Variants in MAD2L2 observed in about 807,000 individuals in gnomAD.
MAD2L2 encodes the protein mitotic spindle assembly checkpoint protein MAD2B.
MAD2L2 carries 17 observed loss-of-function variants against 30.5 expected under a neutral mutation model. That is an observed-to-expected ratio of 0.56 (90% CI 0.38 to 0.84). The LOEUF (loss-of-function observed/expected upper bound fraction) is 0.84, where lower values mean the gene tolerates loss of function less well. Ranked by LOEUF, MAD2L2 falls within the 40% of genes least tolerant of loss-of-function variation. MAD2L2 has a pLI of 0.00. For missense variants in MAD2L2, 213 were observed against 277.4 expected (o/e 0.77, Z 1.65); for synonymous variants, 101 against 113.9 (o/e 0.89, Z 0.72).
intron 1 of MAD2L2, among the ~76,000 whole-genome samples, chr1:11,686,778 G>T (rs1337709755): frequency 1.1e-5 from 1 of 92,904 alleles, no homozygotes; most frequent in Non-Finnish European, 2.0e-5. Flanking sequence ...CACAAGGTAA[G>T]AACTTTTGAT....
In MAD2L2 at chr1:11,690,782, T is replaced by G. The variant is rs1181931155; in HGVS notation, c.-692+631A>C. Among the ~76,000 whole-genome samples the G allele has an allele frequency of 6.6e-6, 1 of 152,044 alleles. No homozygotes were observed. Among genetic ancestry groups the G allele is most frequent in the East Asian group, 1.9e-4 (1 of 5,158 alleles). Reference sequence around the variant, plus strand: ...GAGGCACGGGACCCATAACCCAGCATTCTCAGACTCCCAGGGTCGTCAGGA... The same window carrying G: ...GAGGCACGGGACCCATAACCCAGCAGTCTCAGACTCCCAGGGTCGTCAGGA... On this transcript the variant is annotated intron_variant, in intron 1 of 10. Transcript: ENST00000235310. This position sits in a 1 kb window ranked among gnomAD's most constrained non-coding sequence, Gnocchi z 4.2.
intron 3 of MAD2L2, 54 bp from the exon 4 acceptor site, chr1:11,677,668 C>T: frequency 1.4e-6 from 2 of 1,458,902 alleles, no homozygotes; most frequent in Non-Finnish European, 1.9e-6. Context: ...GGGGAAACCA[C>T]CCAACACAAC....
At chr1:11,679,249 G>C (rs28924098) in intron 3 of MAD2L2, among the ~76,000 whole-genome samples, 7 of 152,348 alleles carry the variant, frequency 4.6e-5, no homozygotes, top group Non-Finnish European at 1.0e-4. Context: ...CTGGAAGTGA[G>C]AAAACAATGG....
At chr1:11,678,422 A>C (rs749457867) in intron 3 of MAD2L2, among the ~76,000 whole-genome samples, 10 of 152,230 alleles carry the variant, frequency 6.6e-5, no homozygotes, top group Non-Finnish European at 1.3e-4. Context: ...AAGGAAAAGA[A>C]AGATAAGAAC....
rs918013223 is a variant in MAD2L2 at position 11,690,680 on chromosome 1, A to T, written c.-692+733T>A. 6.6e-6 allele frequency among the ~76,000 whole-genome samples: 1 copy of T among 152,162 alleles called. No individual in the cohort carries two copies. Among genetic ancestry groups the T allele is most frequent in the African/African-American group, 2.4e-5 (1 of 41,450 alleles). ...GCGCCAGGTGGGAGCGCTGCTTCCCACATATGGGAGTCCGGCCCCATCGCT... is the reference window on the plus strand; with the variant it reads ...GCGCCAGGTGGGAGCGCTGCTTCCCTCATATGGGAGTCCGGCCCCATCGCT... On this transcript the variant is annotated intron_variant, in intron 1 of 10. Transcript: ENST00000235310. This position sits in a 1 kb window ranked among gnomAD's most constrained non-coding sequence, Gnocchi z 4.2.
rs1640868288 is a variant in MAD2L2 at position 11,681,056 on chromosome 1, C to A, written c.-30G>T. ...CCCAGTACCGGCTCTGCGCTCGGTT[C>A]CCGCCCGAGATCGGGCCCGGCCCCG... On this transcript the variant is annotated 5_prime_UTR_variant, in exon 1 of 9. Transcript: ENST00000376692. 6.5e-6 allele frequency: 1 copy of A among 153,290 alleles called. No homozygotes were observed. 9.5% of individuals were successfully genotyped at this position (153,290 alleles called of 1,614,324 possible).
chr1:11,677,987 G>A (rs1278854958), intron 3 of MAD2L2, among the ~76,000 whole-genome samples: 1 of 151,008 alleles, frequency 6.6e-6, no homozygotes, highest in Non-Finnish European at 1.5e-5. Flanking sequence ...AACCCGGGAG[G>A]CGGAGGTTGC....
Position 11,676,048 on chromosome 1 carries a change from G to A in MAD2L2, c.425C>T (p.Pro142Leu), listed in dbSNP as rs773139319. The change falls in exon 6 of 9, where the codon CCA (proline) becomes CTA (leucine). Residue 142 changes from proline to leucine, a missense_variant and splice_region_variant. Physicochemically the swap from Pro to Leu is moderately conservative, Grantham distance 98. Transcript: ENST00000376692. Reference protein sequence around the residue: ...VCDAVLDHNPPGCTFTVLVHT... With the variant: ...VCDAVLDHNPLGCTFTVLVHT... ...GAGAGGGTGGGGAGTGGACACACCT[G>A]GGGGGTTGTGGTCCAGGACGGCATC... The A allele has an allele frequency of 5.0e-6, 8 of 1,611,490 alleles. No homozygotes were observed. The highest frequency in any genetic ancestry group is 6.8e-6 in the Non-Finnish European group (8 of 1,178,088).
upstream of MAD2L2, among the ~76,000 whole-genome samples, chr1:11,684,589 C>T (rs995265665): frequency 2.0e-5 from 3 of 152,052 alleles, no homozygotes; most frequent in African/African-American, 7.2e-5. Flanking sequence ...AAGACCTGCT[C>T]GGGCAGAGGA....
chr1:11,677,269 A>AG, intron 4 of MAD2L2: 1 of 596,940 alleles, frequency 1.7e-6, no homozygotes, highest in Non-Finnish European at 3.0e-6. Flanking sequence ...GACGGATGTG[A>AG]GAAGAACCCC....
upstream of MAD2L2, among the ~76,000 whole-genome samples, chr1:11,684,627 C>T (rs1640928668): frequency 6.6e-6 from 1 of 152,112 alleles, no homozygotes; most frequent in African/African-American, 2.4e-5. Flanking sequence ...GGAACAAACC[C>T]ACAGTGAGTG....
At chr1:11,677,661 GA>G in intron 3 of MAD2L2, 47 bp from the exon 4 acceptor site, 1 of 1,520,412 alleles carries the variant, frequency 6.6e-7, no homozygotes, top group Non-Finnish European at 9.1e-7. Flanking sequence ...CACAGATGGG[GA>G]AACCACCCAA....
intron 1 of MAD2L2, 133 bp from the exon 2 acceptor site, chr1:11,680,746 G>A: frequency 7.1e-7 from 1 of 1,404,904 alleles, no homozygotes; most frequent in African/African-American, 1.5e-5. Context: ...ACAGGCTCAG[G>A]GCAGCTGGAA....
At chr1:11,677,025 C>A in intron 4 of MAD2L2, 77 bp from the exon 5 acceptor site, 1 of 1,149,514 alleles carries the variant, frequency 8.7e-7, no homozygotes, top group Non-Finnish European at 1.3e-6. Flanking sequence ...CCCCCTTGCC[C>A]AAGGAAGGAG....
chr1:11,678,698 C>T (rs1038432495), intron 3 of MAD2L2, among the ~76,000 whole-genome samples: 1 of 152,112 alleles, frequency 6.6e-6, no homozygotes, highest in Non-Finnish European at 1.5e-5. Context: ...TTTTTCCTTT[C>T]CCCTCTAAAG....
intron 1 of MAD2L2, among the ~76,000 whole-genome samples, chr1:11,689,148 T>C (rs1441682243): frequency 1.3e-5 from 2 of 151,418 alleles, no homozygotes; most frequent in Non-Finnish European, 2.9e-5. Flanking sequence ...ATACAAAAAA[T>C]TAGCTGAGCA....
upstream of MAD2L2, chr1:11,681,889 G>A (rs1270031927): frequency 1.3e-5 from 2 of 152,136 alleles, no homozygotes; most frequent in Admixed American, 1.3e-4. Flanking sequence ...TAACCTGCCC[G>A]AGTCTCCCAG....
chr1:11,683,790 G>A (rs149622301), upstream of MAD2L2, among the ~76,000 whole-genome samples: 3,020 of 152,210 alleles, frequency 0.02, 87 homozygotes, highest in African/African-American at 0.067. Flanking sequence ...TGACCAACAT[G>A]GAGAAACCCC....
Position 11,675,731 on chromosome 1 carries a change from C to T in MAD2L2, c.428G>A (p.Gly143Asp), listed in dbSNP as rs1203682869. 1 of 1,613,762 alleles carries T rather than the reference C, an allele frequency of 6.2e-7. No homozygotes were observed. Among genetic ancestry groups the T allele is most frequent in the African/African-American group, 1.3e-5 (1 of 74,940 alleles). Reference protein sequence around the residue: ...CDAVLDHNPPGCTFTVLVHTR... With the variant: ...CDAVLDHNPPDCTFTVLVHTR... ...GTGCACCAGGACTGTGAAGGTACAG[C>T]CTGGAGAGGCAAGAGGTTGGTGGAG... Residue 143 changes from glycine to aspartate, a missense_variant and splice_region_variant, in exon 7 of 9, where the codon GGC (glycine) becomes GAC (aspartate). Coordinates refer to ENST00000376692, the MANE Select transcript of MAD2L2 (RefSeq NM_006341.4).
Sources: gnomAD v4.1 joint callset for allele counts (sites outside exome capture counted in the v4.1 genomes callset) on GRCh38, gnomAD v4.1.1 for gene constraint, Gnocchi (gnomAD v3.1) non-coding constraint, MANE v1.5 for transcripts, NCBI Gene and HGNC (gene_info 2026-07-23, HGNC 2026-07-21) for gene names.